Variants in MAN1A2 observed in about 807,000 individuals in gnomAD.
The protein encoded by MAN1A2 is mannosyl-oligosaccharide 1,2-alpha-mannosidase IB.
MAN1A2 carries 26 observed loss-of-function variants against 75.7 expected under a neutral mutation model. The ratio of observed to expected loss-of-function variants is 0.34; its 90% CI spans 0.25 to 0.48. MAN1A2 has a LOEUF of 0.48. Ranked by LOEUF, MAN1A2 falls within the 20% of genes least tolerant of loss-of-function variation. The probability of loss-of-function intolerance (pLI) is 0.99; values close to 1 mark genes in which losing one functional copy is unlikely to be tolerated. For missense variants in MAN1A2, 562 were observed against 775.5 expected (o/e 0.72, Z 3.27); for synonymous variants, 247 against 264.6 (o/e 0.93, Z 0.65).
At chr1:117,377,975 A>G (rs1011304876) in intron 1 of MAN1A2, among the ~76,000 whole-genome samples, 3 of 152,050 alleles carry the variant, frequency 2.0e-5, no homozygotes, top group Non-Finnish European at 2.9e-5. Context: ...GGTGGTGGGC[A>G]CCTGTAGTCC....
rs1307165360 is a variant in MAN1A2 at position 117,525,963 on chromosome 1, A to G, written c.*3006A>G. 2 of 151,754 alleles carry G rather than the reference A, an allele frequency of 1.3e-5. No individual in the cohort carries two copies. Among genetic ancestry groups the G allele is most frequent in the African/African-American group, 2.4e-5 (1 of 41,380 alleles). 9.4% of individuals were successfully genotyped at this position (151,754 alleles called of 1,614,324 possible). On this transcript the variant is annotated 3_prime_UTR_variant, in exon 13 of 13. Coordinates refer to ENST00000356554, the MANE Select transcript of MAN1A2 (RefSeq NM_006699.5). ...TATCGAAGGGAAATGCATTCTTTTTATGGAGTATTGACCCTGATCCTCTAT... is the reference window on the plus strand; with the variant it reads ...TATCGAAGGGAAATGCATTCTTTTTGTGGAGTATTGACCCTGATCCTCTAT...
At chr1:117,465,988 A>C (rs1029298443) in intron 7 of MAN1A2, among the ~76,000 whole-genome samples, 1 of 152,136 alleles carries the variant, frequency 6.6e-6, no homozygotes, top group African/African-American at 2.4e-5. Flanking sequence ...ATTTGAATAT[A>C]TATGTGTTGA....
chr1:117,368,463 G>A lies in MAN1A2; in HGVS notation c.280G>A (p.Gly94Arg), dbSNP rs1004097442. 1.2e-6 allele frequency: 2 copies of A among 1,611,772 alleles called. No homozygotes were observed. The highest frequency in any genetic ancestry group is 1.7e-6 in the Non-Finnish European group (2 of 1,179,282). Residue 94 changes from glycine to arginine, a missense_variant, in exon 1 of 13, where the codon GGA becomes AGA. Coordinates refer to ENST00000356554, the MANE Select transcript of MAN1A2 (RefSeq NM_006699.5). ...AAACCCCGGAGTCTTCCTGATCCAT[G>A]GACCCGATGAACATAGACACAGGTT... The part of the protein sequence containing the change: ...AKNPGVFLIH[G>R]PDEHRHREEE...
At chr1:117,470,836 T>C (rs1438503056) in intron 8 of MAN1A2, among the ~76,000 whole-genome samples, 4 of 151,974 alleles carry the variant, frequency 2.6e-5, no homozygotes. Flanking sequence ...AAACATTTAA[T>C]TGAACTGAAA....
intron 12 of MAN1A2, chr1:117,515,971 A>T (rs1205132430): frequency 1.3e-5 from 2 of 152,108 alleles, no homozygotes; most frequent in African/African-American, 4.8e-5. Context: ...ATGGCATGCT[A>T]AAAAGGGAAT....
chr1:117,442,126 C>T, intron 5 of MAN1A2, 105 bp from the exon 6 acceptor site: 3 of 685,006 alleles, frequency 4.4e-6, no homozygotes, highest in Non-Finnish European at 7.7e-6. Flanking sequence ...ACCCTGTGCT[C>T]CCGTGTACCC....
intron 12 of MAN1A2, among the ~76,000 whole-genome samples, chr1:117,507,785 A>G (rs1651419067): frequency 6.6e-6 from 1 of 151,634 alleles, no homozygotes; most frequent in African/African-American, 2.4e-5. Flanking sequence ...ATTGTTTTGT[A>G]AGAAGAGCTA....
At chr1:117,389,319 G>A (rs936047079) in intron 1 of MAN1A2, among the ~76,000 whole-genome samples, 6 of 152,174 alleles carry the variant, frequency 3.9e-5, no homozygotes, top group Admixed American at 3.3e-4. Context: ...ACAGTGGGTG[G>A]GGTGGGGGAT....
intron 12 of MAN1A2, 91 bp from the exon 13 acceptor site, chr1:117,522,734 G>A (rs753518650): frequency 1.5e-4 from 167 of 1,104,860 alleles, no homozygotes; most frequent in Admixed American, 2.6e-4. Flanking sequence ...CTCAAAATAC[G>A]TTATTGGTTT....
In MAN1A2 at chr1:117,450,534, A is replaced by G. The variant is rs148057348; in HGVS notation, c.950+8209A>G. Reference sequence around the variant, plus strand: ...GAGCTGAATGTTAACCCCCAAGACAATGGGGCAAATGTCTCCAGGGCATGT... The same window carrying G: ...GAGCTGAATGTTAACCCCCAAGACAGTGGGGCAAATGTCTCCAGGGCATGT... On this transcript the variant is annotated intron_variant, in intron 6 of 12. Coordinates refer to ENST00000356554, the MANE Select transcript of MAN1A2 (RefSeq NM_006699.5). Among the ~76,000 whole-genome samples, 667 of 152,262 alleles carry G rather than the reference A, an allele frequency of 4.4e-3. 1 individual carries two copies. Among genetic ancestry groups the G allele is most frequent in the African/African-American group, 0.015 (640 of 41,552 alleles).
intron 12 of MAN1A2, among the ~76,000 whole-genome samples, chr1:117,508,426 T>G (rs1651435861): frequency 6.6e-6 from 1 of 151,562 alleles, no homozygotes; most frequent in Non-Finnish European, 1.5e-5. Flanking sequence ...GGGGCAGAAA[T>G]TATGTCTGTG....
intron 6 of MAN1A2, among the ~76,000 whole-genome samples, chr1:117,446,541 A>G (rs762044942): frequency 5.4e-4 from 82 of 152,178 alleles, no homozygotes; most frequent in Non-Finnish European, 1.1e-3. Context: ...TTTTTCTTCA[A>G]TGCATTAGTT....
In MAN1A2 at chr1:117,518,618, G is replaced by C. The variant is rs10923331; in HGVS notation, c.1794-4207G>C. Among the ~76,000 whole-genome samples, 584 of 152,126 alleles carry C rather than the reference G, an allele frequency of 3.8e-3. 7 individuals carry two copies. The highest frequency in any genetic ancestry group is 0.013 in the African/African-American group (555 of 41,520). On this transcript the variant is annotated intron_variant, in intron 12 of 12. Transcript: ENST00000356554. ...ACATTATATAATGATAAAAGGTCTT[G>C]TCCAACAGGAAAATATCACAGTCCT...
At position 117,467,604 on chromosome 1, in the gene MAN1A2, C is replaced by T. The variant is rs1162338584; in HGVS notation, c.1168+1177C>T. ...CTCTTTATTTTGAAGAAGATAAAAG[C>T]TCTAATGCCTAGACTGAGTGGGAAT... On this transcript the variant is annotated intron_variant, in intron 8 of 12. Transcript: ENST00000356554. Among the ~76,000 whole-genome samples, 3 of 151,988 alleles carry T rather than the reference C, an allele frequency of 2.0e-5. No individual in the cohort carries two copies. In the East Asian group the frequency reaches 5.8e-4, roughly 29 times the overall value.
chr1:117,372,057 A>G (rs1652981573), intron 1 of MAN1A2, among the ~76,000 whole-genome samples: 1 of 152,232 alleles, frequency 6.6e-6, no homozygotes, highest in African/African-American at 2.4e-5. Flanking sequence ...TTTGGTTTTT[A>G]TCATAAATAC....
At chr1:117,433,079 T>C (rs930501435) in intron 5 of MAN1A2, among the ~76,000 whole-genome samples, 2 of 151,784 alleles carry the variant, frequency 1.3e-5, no homozygotes, top group African/African-American at 2.4e-5. Context: ...CATATAATTA[T>C]TGCAATAAAT....
intron 8 of MAN1A2, among the ~76,000 whole-genome samples, chr1:117,487,401 T>G (rs145117630): frequency 1.3e-5 from 2 of 152,108 alleles, no homozygotes; most frequent in East Asian, 3.9e-4. Flanking sequence ...GTAACATGGT[T>G]GATAGGCTAG....
At position 117,386,556 on chromosome 1, in the gene MAN1A2, A is replaced by G. The variant is rs562458825; in HGVS notation, c.303-15630A>G. Among the ~76,000 whole-genome samples the G allele has an allele frequency of 1.6e-4, 24 of 152,278 alleles. No homozygotes were observed. In the East Asian group the frequency reaches 4.6e-3, roughly 29 times the overall value. On this transcript the variant is annotated intron_variant, in intron 1 of 12. Transcript: ENST00000356554. ...TATATGGCTATCTTGGTGAAGGACTAAAAGTTATTACTAGCTTCCTTTGCT... is the reference window on the plus strand; with the variant it reads ...TATATGGCTATCTTGGTGAAGGACTGAAAGTTATTACTAGCTTCCTTTGCT...
chr1:117,517,183 C>G (rs1362972231), intron 12 of MAN1A2, among the ~76,000 whole-genome samples: 1 of 152,106 alleles, frequency 6.6e-6, no homozygotes, highest in Admixed American at 6.6e-5. Context: ...TCTAAGTGAT[C>G]TAACTACATC....
Sources: gnomAD v4.1 joint callset for allele counts (sites outside exome capture counted in the v4.1 genomes callset) on GRCh38, gnomAD v4.1.1 for gene constraint, MANE v1.5 for transcripts, NCBI Gene and HGNC (gene_info 2026-07-23, HGNC 2026-07-21) for gene names.